Variants in DCLK2 observed in about 807,000 individuals in gnomAD.
The protein encoded by DCLK2 is doublecortin like kinase 2.
Under a neutral mutation model 78.4 loss-of-function variants are expected in DCLK2, and 31 were observed. The observed-to-expected ratio is 0.40, with a 90% CI of 0.30 to 0.53. The LOEUF is 0.53. Among genes scored for constraint, DCLK2 ranks in the 20% least tolerant of loss-of-function variants. The pLI is 0.61. For synonymous variants in DCLK2, 407 were observed against 374.9 expected (o/e 1.09, Z -0.99); for missense variants, 872 against 973.7 (o/e 0.90, Z 1.39).
At chr4:150,226,741 C>A (rs543082386) in intron 8 of DCLK2, among the ~76,000 whole-genome samples, 11 of 152,228 alleles carry the variant, frequency 7.2e-5, no homozygotes, top group African/African-American at 2.4e-4. Context: ...TATTTTTCCA[C>A]TTTTACATTT....
intron 5 of DCLK2, among the ~76,000 whole-genome samples, chr4:150,210,902 T>G (rs1478663155): frequency 2.8e-5 from 4 of 143,708 alleles, no homozygotes; most frequent in Non-Finnish European, 6.0e-5. Flanking sequence ...GAGCGGAGAT[T>G]GCGCCATTGC....
intron 2 of DCLK2, among the ~76,000 whole-genome samples, chr4:150,154,586 T>A (rs538598761): frequency 1.3e-3 from 195 of 152,330 alleles, no homozygotes; most frequent in Non-Finnish European, 2.4e-3. Flanking sequence ...TGATTTTTTT[T>A]AGAAGCAAGC....
chr4:150,251,557 C>T (rs1206095533), intron 15 of DCLK2, among the ~76,000 whole-genome samples: 3 of 6,810 alleles, frequency 4.4e-4, no homozygotes, highest in Non-Finnish European at 3.1e-4. Flanking sequence ...CATACACACC[C>T]ACACACCCCA....
At chr4:150,207,022 C>T (rs370671396) in intron 5 of DCLK2, among the ~76,000 whole-genome samples, 43 of 152,096 alleles carry the variant, frequency 2.8e-4, no homozygotes, top group South Asian at 8.3e-4. Flanking sequence ...TAGTACTGTG[C>T]GTTTCCCTTC....
intron 15 of DCLK2, among the ~76,000 whole-genome samples, chr4:150,250,943 CA>C (rs1743800767): frequency 7.7e-5 from 1 of 13,018 alleles, no homozygotes; most frequent in Non-Finnish European, 2.6e-4. Context: ...ACCCCCACAC[CA>C]CACATCCCTC....
At chr4:150,221,097 T>G (rs1741153545) in intron 6 of DCLK2, among the ~76,000 whole-genome samples, 1 of 152,232 alleles carries the variant, frequency 6.6e-6, no homozygotes, top group African/African-American at 2.4e-5. Context: ...TTTCTTGATT[T>G]GGTGTCTTCT....
chr4:150,110,745 C>G (rs577465766), intron 2 of DCLK2, among the ~76,000 whole-genome samples: 6 of 152,130 alleles, frequency 3.9e-5, no homozygotes, highest in Non-Finnish European at 8.8e-5. Context: ...ATTTGGTTTT[C>G]TATTCCTGAG....
At chr4:150,128,252 G>C (rs1400424474) in intron 2 of DCLK2, among the ~76,000 whole-genome samples, 2 of 152,136 alleles carry the variant, frequency 1.3e-5, no homozygotes, top group East Asian at 1.9e-4. Flanking sequence ...GTAGTGCCAA[G>C]GTTGGGAAAC....
intron 2 of DCLK2, among the ~76,000 whole-genome samples, chr4:150,140,353 T>C (rs899231259): frequency 1.1e-4 from 15 of 141,126 alleles, no homozygotes; most frequent in African/African-American, 4.0e-4. Flanking sequence ...AAGTATGTAA[T>C]AGGCCTCCCC....
At chr4:150,225,753 G>T (rs182455223) in intron 8 of DCLK2, among the ~76,000 whole-genome samples, 133 of 152,264 alleles carry the variant, frequency 8.7e-4, no homozygotes, top group Non-Finnish European at 1.6e-3. Context: ...TGTGGTTCTT[G>T]GTTAGAATTA....
chr4:150,157,925 G>A (rs1340403150), intron 2 of DCLK2, among the ~76,000 whole-genome samples: 1 of 152,178 alleles, frequency 6.6e-6, no homozygotes, highest in Non-Finnish European at 1.5e-5. Context: ...TGCCGTGCCT[G>A]GCCCAGAATC....
intron 1 of DCLK2, among the ~76,000 whole-genome samples, chr4:150,090,438 CAAAACA>C (rs746294076): frequency 0.016 from 2,455 of 151,916 alleles, 59 homozygotes; most frequent in African/African-American, 0.053. Flanking sequence ...CAAAACAAAA[CAAAACA>C]AAAAAACGCA....
intron 1 of DCLK2, among the ~76,000 whole-genome samples, chr4:150,092,474 T>A (rs920993941): frequency 2.6e-5 from 4 of 152,270 alleles, no homozygotes; most frequent in East Asian, 3.9e-4. Flanking sequence ...ATACCTTTTT[T>A]AAAAAAACCC....
At chr4:150,116,342 G>A (rs1732087021) in intron 2 of DCLK2, among the ~76,000 whole-genome samples, 2 of 152,228 alleles carry the variant, frequency 1.3e-5, no homozygotes, top group East Asian at 1.9e-4. Context: ...CTTCCTGGCT[G>A]TTGGGGTAGA....
At chr4:150,216,005 A>G (rs1046036229) in intron 5 of DCLK2, among the ~76,000 whole-genome samples, 1 of 152,270 alleles carries the variant, frequency 6.6e-6, no homozygotes, top group Non-Finnish European at 1.5e-5. Flanking sequence ...GAAAACCAGT[A>G]TAGCACAAGG....
Position 150,114,426 on chromosome 4 carries a change from G to A in DCLK2, c.756+11614G>A, listed in dbSNP as rs114766276. 8.3e-3 allele frequency among the ~76,000 whole-genome samples: 1,256 copies of A among 152,150 alleles called. 13 individuals carry two copies. The highest frequency in any genetic ancestry group is 0.029 in the African/African-American group (1,207 of 41,504). ...AAGGTACTGTTGTTACTAGATGTAAGGTACTGTTCCAGTCGTCATGTTGAT... is the reference window on the plus strand; with the variant it reads ...AAGGTACTGTTGTTACTAGATGTAAAGTACTGTTCCAGTCGTCATGTTGAT... On this transcript the variant is annotated intron_variant, in intron 2 of 15. Transcript: ENST00000296550.
chr4:150,144,508 C>A lies in DCLK2; in HGVS notation c.756+41696C>A, dbSNP rs1734323969. Reference sequence around the variant, plus strand: ...TCTTGTGGTATCATTTGAAGTTAGGCAACATGATACCTCCAGATTGTTCTT... The same window carrying A: ...TCTTGTGGTATCATTTGAAGTTAGGAAACATGATACCTCCAGATTGTTCTT... On this transcript the variant is annotated intron_variant, in intron 2 of 15. Transcript: ENST00000296550. 8.5e-5 allele frequency among the ~76,000 whole-genome samples: 13 copies of A among 152,208 alleles called. 1 individual carries two copies. In the South Asian group the frequency reaches 2.7e-3, roughly 32 times the overall value.
At chr4:150,102,969 A>G (rs1000457586) in intron 2 of DCLK2, among the ~76,000 whole-genome samples, 157 bp downstream of exon 2, 7 of 149,138 alleles carry the variant, frequency 4.7e-5, no homozygotes, top group African/African-American at 1.7e-4. Context: ...GTGTGTGTGT[A>G]TGTATGTAAA....
At chr4:150,231,054 A>G (rs1486260080) in intron 8 of DCLK2, among the ~76,000 whole-genome samples, 3 of 152,246 alleles carry the variant, frequency 2.0e-5, no homozygotes, top group Non-Finnish European at 4.4e-5. Context: ...GCTTACAGCT[A>G]TAATTTTTAT....
Sources: gnomAD v4.1 joint callset for allele counts (sites outside exome capture counted in the v4.1 genomes callset) on GRCh38, gnomAD v4.1.1 for gene constraint, MANE v1.5 for transcripts, NCBI Gene and HGNC (gene_info 2026-07-23, HGNC 2026-07-21) for gene names.